The following DGKB variants were observed in gnomAD, a reference collection of about 807,000 sequenced individuals.
DGKB encodes the protein 90 kDa diacylglycerol kinase.
Under a neutral mutation model 114.3 loss-of-function variants are expected in DGKB, and 67 were observed. That is an observed-to-expected ratio of 0.59 (90% CI 0.48 to 0.72). DGKB has a LOEUF of 0.72. DGKB is among the 30% of genes least tolerant of loss of function. DGKB has a pLI of 0.00. For synonymous variants in DGKB, 398 were observed against 323.1 expected, an observed-to-expected ratio of 1.23 and a Z score of -2.49; for missense variants, 907 against 975.2, an observed-to-expected ratio of 0.93 and a Z score of 0.93.
chr7:14,285,233 C>T (rs1054784647), intron 23 of DGKB, among the ~76,000 whole-genome samples: 6 of 152,158 alleles, frequency 3.9e-5, no homozygotes, highest in Admixed American at 2.6e-4. Flanking sequence ...CTAAAATATA[C>T]TGCCATTAGG....
At chr7:14,446,655 C>T (rs1350331726) in intron 21 of DGKB, among the ~76,000 whole-genome samples, 1 of 152,132 alleles carries the variant, frequency 6.6e-6, no homozygotes, top group African/African-American at 2.4e-5. Context: ...TTTCCTCTTA[C>T]TTAGCTCAAT....
intron 1 of DGKB, among the ~76,000 whole-genome samples, chr7:14,901,634 C>T (rs1562856125): frequency 6.8e-6 from 1 of 147,886 alleles, no homozygotes; most frequent in Admixed American, 6.8e-5. Flanking sequence ...TGCCCCACCA[C>T]CACTGTAAAA....
chr7:14,578,464 C>T (rs2128719172), intron 19 of DGKB, among the ~76,000 whole-genome samples: 1 of 152,282 alleles, frequency 6.6e-6, no homozygotes, highest in South Asian at 2.1e-4. Flanking sequence ...GAAATAATCC[C>T]ACCGTAAAGC....
intron 23 of DGKB, among the ~76,000 whole-genome samples, chr7:14,225,928 T>G (rs1790735899): frequency 6.6e-6 from 1 of 151,960 alleles, no homozygotes; most frequent in African/African-American, 2.4e-5. Context: ...CTAAAATGAA[T>G]TTAAAAATAT....
Position 14,830,140 on chromosome 7 carries a change from C to A in DGKB, c.70+11054G>T, listed in dbSNP as rs148983304. ...AAGGTTTATGTAAAATGCATCTGAC[C>A]AGTACTTTTTAAAAAAAATTGTATG... On this transcript the variant is annotated intron_variant, in intron 2 of 25. Coordinates refer to ENST00000402815, the MANE Select transcript of DGKB (RefSeq NM_001350709.2). 1.2e-3 allele frequency among the ~76,000 whole-genome samples: 173 copies of A among 146,006 alleles called. 1 individual carries two copies. Among genetic ancestry groups the A allele is most frequent in the Admixed American group, 2.7e-3 (40 of 14,720 alleles).
chr7:14,452,232 A>C (rs1831633944), intron 21 of DGKB, among the ~76,000 whole-genome samples: 1 of 152,100 alleles, frequency 6.6e-6, no homozygotes, highest in Non-Finnish European at 1.5e-5. Context: ...TAAAACTATA[A>C]ATCAGTAAGC....
At chr7:14,874,112 G>A (rs1434594613) in intron 1 of DGKB, among the ~76,000 whole-genome samples, 1 of 152,054 alleles carries the variant, frequency 6.6e-6, no homozygotes, top group East Asian at 1.9e-4. Context: ...AAGAAGGGAT[G>A]TACTCAGTTA....
At chr7:14,716,794 G>T (rs1267035447) in intron 6 of DGKB, among the ~76,000 whole-genome samples, 1 of 152,130 alleles carries the variant, frequency 6.6e-6, no homozygotes, top group African/African-American at 2.4e-5. Flanking sequence ...TGATTCTGAT[G>T]TATAGCCAGG....
intron 1 of DGKB, among the ~76,000 whole-genome samples, chr7:14,964,030 T>C (rs1016059784): frequency 6.6e-6 from 1 of 152,126 alleles, no homozygotes; most frequent in Admixed American, 6.6e-5. Flanking sequence ...AAATTATTTA[T>C]AAGAAAAAGT....
chr7:14,161,512 T>G (rs768973869), intron 25 of DGKB, among the ~76,000 whole-genome samples: 21 of 150,230 alleles, frequency 1.4e-4, no homozygotes, highest in Non-Finnish European at 1.8e-4. Context: ...TTCATGTCTT[T>G]GCAGGGACAT....
chr7:14,213,905 A>G (rs1420955255), intron 23 of DGKB, among the ~76,000 whole-genome samples: 1 of 152,156 alleles, frequency 6.6e-6, no homozygotes, highest in African/African-American at 2.4e-5. Context: ...AAAATAAAAG[A>G]AAAAAGGTAT....
intron 13 of DGKB, among the ~76,000 whole-genome samples, chr7:14,659,007 C>T (rs527770699): frequency 1.4e-4 from 21 of 151,776 alleles, no homozygotes; most frequent in Non-Finnish European, 2.8e-4. Flanking sequence ...CACCTATCAA[C>T]CCATCATCTA....
chr7:14,353,063 C>T (rs1030990609), intron 21 of DGKB, among the ~76,000 whole-genome samples: 7 of 152,184 alleles, frequency 4.6e-5, no homozygotes, highest in African/African-American at 1.7e-4. Flanking sequence ...ATAGCACTGT[C>T]TCAAATGAGC....
chr7:14,610,320 A>G (rs972196821), intron 16 of DGKB, among the ~76,000 whole-genome samples: 3 of 152,080 alleles, frequency 2.0e-5, no homozygotes, highest in Non-Finnish European at 4.4e-5. Context: ...AGCAGCAGCT[A>G]AACATTGAGA....
chr7:14,199,048 A>C (rs1224327029), intron 23 of DGKB, among the ~76,000 whole-genome samples: 1 of 152,086 alleles, frequency 6.6e-6, no homozygotes, highest in African/African-American at 2.4e-5. Flanking sequence ...CAGTTACCCT[A>C]TCTCTAAAAG....
intron 2 of DGKB, among the ~76,000 whole-genome samples, chr7:14,766,722 A>G (rs1446869063): frequency 6.6e-6 from 1 of 151,856 alleles, no homozygotes; most frequent in African/African-American, 2.4e-5. Context: ...TTGTAGATAG[A>G]TAAGATAGCA....
chr7:14,247,430 T>G (rs926387553), intron 23 of DGKB, among the ~76,000 whole-genome samples: 1 of 152,082 alleles, frequency 6.6e-6, no homozygotes, highest in Admixed American at 6.6e-5. Context: ...CTTCCATACA[T>G]TTTTCCATAA....
intron 23 of DGKB, among the ~76,000 whole-genome samples, chr7:14,231,803 AG>A (rs1261802964): frequency 1.3e-5 from 2 of 151,998 alleles, no homozygotes; most frequent in Admixed American, 1.3e-4. Context: ...TTGATTTTCG[AG>A]GAAAAGTAAG....
chr7:14,183,774 T>A (rs1374728912), intron 23 of DGKB, among the ~76,000 whole-genome samples: 2 of 152,214 alleles, frequency 1.3e-5, no homozygotes, highest in African/African-American at 4.8e-5. Context: ...AATTAAATGT[T>A]AACAGTTCTC....
Sources: gnomAD v4.1 joint callset for allele counts (sites outside exome capture counted in the v4.1 genomes callset) on GRCh38, gnomAD v4.1.1 for gene constraint, MANE v1.5 for transcripts, NCBI Gene and HGNC (gene_info 2026-07-23, HGNC 2026-07-21) for gene names.